The following MICU1 variants were observed in gnomAD, a reference collection of about 807,000 sequenced individuals.
MICU1 encodes calcium uptake protein 1, mitochondrial.
A neutral mutation model predicts 56.8 loss-of-function variants in MICU1; 45 were observed. That is an observed-to-expected ratio of 0.79 (90% CI 0.62 to 1.02). The LOEUF (loss-of-function observed/expected upper bound fraction) is 1.02. MICU1 is among the 50% of genes least tolerant of loss of function. The pLI is 0.00. For synonymous variants in MICU1, 186 were observed against 195.1 expected, an observed-to-expected ratio of 0.95 and a Z score of 0.39; for missense variants, 504 against 587.1, an observed-to-expected ratio of 0.86 and a Z score of 1.46.
chr10:72,392,099 A>G, intron 10 of MICU1: 1 of 152,248 alleles, frequency 6.6e-6, no homozygotes, highest in East Asian at 1.9e-4. Context: ...GAAATAAAGT[A>G]TATGGAAAGA....
chr10:72,383,458 G>A (rs903564801), intron 10 of MICU1, among the ~76,000 whole-genome samples: 2 of 152,072 alleles, frequency 1.3e-5, no homozygotes, highest in Non-Finnish European at 2.9e-5. Context: ...CCCACAAAAT[G>A]GTGGTGTACT....
chr10:72,447,081 A>G (rs1440330900), intron 8 of MICU1, among the ~76,000 whole-genome samples: 3 of 152,214 alleles, frequency 2.0e-5, no homozygotes, highest in African/African-American at 7.2e-5. Flanking sequence ...GCAAGACTGG[A>G]ACTATGCTTA....
chr10:72,489,440 C>T (rs776946910), intron 6 of MICU1, among the ~76,000 whole-genome samples: 1 of 152,028 alleles, frequency 6.6e-6, no homozygotes, highest in Non-Finnish European at 1.5e-5. Context: ...GGTTTATTTA[C>T]GTGGCCAATA....
At chr10:72,379,088 A>C (rs1862620566) in intron 10 of MICU1, among the ~76,000 whole-genome samples, 1 of 152,238 alleles carries the variant, frequency 6.6e-6, no homozygotes, top group Admixed American at 6.5e-5. Context: ...TCACAAATCT[A>C]GATACTTGAT....
At chr10:72,441,619 T>TTTC (rs1554870796) in intron 8 of MICU1, among the ~76,000 whole-genome samples, 17 of 137,312 alleles carry the variant, frequency 1.2e-4, no homozygotes, top group South Asian at 4.7e-4. Flanking sequence ...ATTTTTCTTT[T>TTTC]TTTTTTTTTT....
rs373719153 is a variant in MICU1, at chr10:72,420,365, GAC to G, written c.1071+2867_1071+2868del. Among the ~76,000 whole-genome samples, 969 of 152,226 alleles carry G rather than the reference GAC, an allele frequency of 6.4e-3. 8 individuals are homozygous for G. The highest frequency in any genetic ancestry group is 0.02 in the South Asian group (97 of 4,814). On this transcript the variant is annotated intron_variant, in intron 9 of 11. Coordinates refer to ENST00000361114, the MANE Select transcript of MICU1 (RefSeq NM_001195518.2). ...CATGAGCCACTGCGCCCAGCCATAA[GAC>G]ATGTCTTTTCTTCTCCTTTGCCTTC...
At chr10:72,533,065 C>T (rs1168257737) in intron 5 of MICU1, 1 of 1,289,634 alleles carries the variant, frequency 7.8e-7, no homozygotes, top group Non-Finnish European at 1.0e-6. Flanking sequence ...ATGCCTGGTT[C>T]TTTCTTCTTT....
At chr10:72,590,935 T>C (rs1841209164) in intron 1 of MICU1, among the ~76,000 whole-genome samples, 2 of 150,192 alleles carry the variant, frequency 1.3e-5, no homozygotes, top group Admixed American at 6.6e-5. Flanking sequence ...AACAACAGCA[T>C]ACACATTCTT....
intron 4 of MICU1, among the ~76,000 whole-genome samples, chr10:72,539,091 G>A (rs1314352366): frequency 6.6e-6 from 1 of 151,974 alleles, no homozygotes; most frequent in Admixed American, 6.6e-5. Flanking sequence ...TAAATATAAA[G>A]CAAATATTAA....
intron 8 of MICU1, among the ~76,000 whole-genome samples, chr10:72,462,219 C>CTTT (rs1187394084): frequency 1.4e-5 from 2 of 138,890 alleles, no homozygotes; most frequent in Non-Finnish European, 3.2e-5. Flanking sequence ...CTTTTCTTTT[C>CTTT]TTTTTTTTTT....
At chr10:72,586,933 G>A (rs772852571) in intron 1 of MICU1, among the ~76,000 whole-genome samples, 8 of 152,080 alleles carry the variant, frequency 5.3e-5, no homozygotes, top group Non-Finnish European at 1.2e-4. Context: ...TGTGAAAACC[G>A]CATCCCTAGC....
chr10:72,410,341 G>T (rs1400074963), intron 9 of MICU1, among the ~76,000 whole-genome samples: 1 of 152,194 alleles, frequency 6.6e-6, no homozygotes, highest in Admixed American at 6.5e-5. Flanking sequence ...TACTAGCCAG[G>T]CACGGTGGCT....
chr10:72,534,503 G>A (rs984536105), intron 4 of MICU1, among the ~76,000 whole-genome samples: 19 of 152,142 alleles, frequency 1.2e-4, no homozygotes, highest in East Asian at 3.9e-4. Flanking sequence ...AAAGACATAC[G>A]GATATAATAA....
chr10:72,603,959 C>G (rs1413721287), intron 1 of MICU1, among the ~76,000 whole-genome samples: 1 of 152,116 alleles, frequency 6.6e-6, no homozygotes, highest in African/African-American at 2.4e-5. Flanking sequence ...GAGTTAAGTT[C>G]TGTGGCAGAA....
chr10:72,613,112 T>C (rs1366728762), intron 1 of MICU1, among the ~76,000 whole-genome samples: 1 of 152,148 alleles, frequency 6.6e-6, no homozygotes, highest in East Asian at 1.9e-4. Context: ...AGACTACTAT[T>C]ATCAACACCA....
intron 10 of MICU1, among the ~76,000 whole-genome samples, chr10:72,380,188 C>G (rs1011924145): frequency 2.0e-4 from 30 of 152,278 alleles, no homozygotes; most frequent in African/African-American, 7.2e-4. Flanking sequence ...TTTGATGATG[C>G]TGACTGATGG....
Position 72,466,597 on chromosome 10 carries a change from T to C in MICU1, c.933+8503A>G, listed in dbSNP as rs116471176. 6.9e-3 allele frequency among the ~76,000 whole-genome samples: 1,049 copies of C among 152,276 alleles called. 13 individuals are homozygous for C. Among genetic ancestry groups the C allele is most frequent in the African/African-American group, 0.024 (986 of 41,544 alleles). Reference sequence around the variant, plus strand: ...ATTTTGTTTCTTGGATTTAATTAAATCAAGAGTCAGGTCTCATCATTTAGT... The same window carrying C: ...ATTTTGTTTCTTGGATTTAATTAAACCAAGAGTCAGGTCTCATCATTTAGT... On this transcript the variant is annotated intron_variant, in intron 8 of 11. Transcript: ENST00000361114.
chr10:72,585,994 A>ATTTTTTTTTTTTTTTTTT (rs1276935862), intron 1 of MICU1, among the ~76,000 whole-genome samples: 1 of 100,204 alleles, frequency 1.0e-5, no homozygotes, highest in African/African-American at 3.7e-5. Flanking sequence ...TATTGTTTTT[A>ATTTTTTTTTTTTTTTTTT]TTTTTTCTTT....
chr10:72,379,366 C>A (rs1417199216), intron 10 of MICU1: 1 of 176,186 alleles, frequency 5.7e-6, no homozygotes, highest in Non-Finnish European at 1.2e-5. Flanking sequence ...TTTGCTGCCA[C>A]AGAAATGTGT....
Sources: allele counts gnomAD v4.1 joint callset (sites outside exome capture counted in the v4.1 genomes callset), GRCh38; gene constraint gnomAD v4.1.1; transcripts MANE v1.5; gene names NCBI Gene and HGNC (gene_info 2026-07-23, HGNC 2026-07-21).